FNBP1: variants seen among roughly 807,000 people sequenced by gnomAD.
FNBP1 encodes the protein formin binding protein 1, also known as formin-binding protein 1.
A neutral mutation model predicts 90.6 loss-of-function variants in FNBP1; 26 were observed. The observed-to-expected ratio is 0.29, with a 90% CI of 0.21 to 0.40. The LOEUF (loss-of-function observed/expected upper bound fraction) is 0.40, where lower values mean the gene tolerates loss of function less well. FNBP1 is among the 10% of genes least tolerant of loss of function. The probability of loss-of-function intolerance (pLI) is 1.00; values close to 1 mark genes in which losing one functional copy is unlikely to be tolerated. For synonymous variants in FNBP1, 260 were observed against 265.2 expected (o/e 0.98, Z 0.19); for missense variants, 635 against 768.0 (o/e 0.83, Z 2.05).
Position 130,043,174 on chromosome 9 carries a change from A to T in FNBP1, c.-199T>A, listed in dbSNP as rs894144343. 1 of 388,186 alleles carries T rather than the reference A, an allele frequency of 2.6e-6. No homozygotes were observed. The allele number at this position is 388,186 out of a possible 1,614,324, so 24.0% of individuals were successfully genotyped here. ...CGCCGCTCCACAGCAAAATGGCCCG[A>T]GGAAGCAGCAGCCGCGGCCGCCGCA... is the stretch of plus-strand genomic sequence containing the variant. On this transcript the variant is annotated 5_prime_UTR_variant, in exon 1 of 17. Transcript: ENST00000446176.
intron 1 of FNBP1, among the ~76,000 whole-genome samples, chr9:130,022,006 T>C (rs1417766832): frequency 6.6e-6 from 1 of 151,698 alleles, no homozygotes; most frequent in East Asian, 2.0e-4. Context: ...GGACCACAGG[T>C]GCAGGCTACC....
At chr9:129,985,289 CA>C (rs1178377603) in intron 2 of FNBP1, among the ~76,000 whole-genome samples, 4 of 136,258 alleles carry the variant, frequency 2.9e-5, no homozygotes, top group African/African-American at 1.0e-4. Context: ...AAACACACGC[CA>C]GGTGTTGGCC....
At chr9:129,993,783 C>A (rs776828206) in intron 2 of FNBP1, among the ~76,000 whole-genome samples, 1 of 152,078 alleles carries the variant, frequency 6.6e-6, no homozygotes, top group African/African-American at 2.4e-5. Flanking sequence ...TGCCACCATG[C>A]CCCACTAATT....
At chr9:129,965,201 G>A (rs770636634) in intron 4 of FNBP1, among the ~76,000 whole-genome samples, 3 of 152,074 alleles carry the variant, frequency 2.0e-5, no homozygotes, top group African/African-American at 7.2e-5. Flanking sequence ...TGGGTATGTC[G>A]TACCCCACTT....
At chr9:130,049,299 C>T in the FNBP1 span, among the ~76,000 whole-genome samples, 1 of 152,124 alleles carries the variant, frequency 6.6e-6, no homozygotes, top group Non-Finnish European at 1.5e-5. Context: ...TGAGGTGGGA[C>T]GATTGCTTGA....
chr9:130,037,523 C>G (rs1359769600), intron 1 of FNBP1, among the ~76,000 whole-genome samples: 1 of 152,146 alleles, frequency 6.6e-6, no homozygotes. Flanking sequence ...TTTCGACACA[C>G]TAGGGAAAAA....
At chr9:129,895,702 A>T in intron 16 of FNBP1, 136 bp downstream of exon 16, 1 of 1,366,124 alleles carries the variant, frequency 7.3e-7, no homozygotes, top group Non-Finnish European at 9.4e-7. Flanking sequence ...ACGTGAGACT[A>T]CAGGAGAACG....
intron 1 of FNBP1, among the ~76,000 whole-genome samples, chr9:130,018,599 T>C (rs1204939104): frequency 6.6e-6 from 1 of 152,084 alleles, no homozygotes; most frequent in African/African-American, 2.4e-5. Flanking sequence ...AGTCTCACTC[T>C]GTCACCCAGG....
chr9:129,931,376 G>A (rs113369219), intron 6 of FNBP1, among the ~76,000 whole-genome samples: 257 of 152,102 alleles, frequency 1.7e-3, no homozygotes, highest in African/African-American at 5.9e-3. Context: ...GGCTGAGGTG[G>A]GCAGATCACA....
intron 4 of FNBP1, among the ~76,000 whole-genome samples, chr9:129,969,874 G>C (rs943735522): frequency 1.4e-5 from 2 of 147,856 alleles, no homozygotes; most frequent in Non-Finnish European, 3.0e-5. Flanking sequence ...GCTATAGTAG[G>C]ATTAATATTC....
intron 8 of FNBP1, among the ~76,000 whole-genome samples, chr9:129,926,060 C>T (rs1036556684): frequency 2.6e-5 from 4 of 152,004 alleles, no homozygotes; most frequent in African/African-American, 9.7e-5. Context: ...CAATCCCTGC[C>T]TCCTGAGTTC....
At chr9:129,986,352 T>C (rs2052241085) in intron 2 of FNBP1, among the ~76,000 whole-genome samples, 2 of 151,592 alleles carry the variant, frequency 1.3e-5, no homozygotes, top group South Asian at 4.1e-4. Flanking sequence ...TAAAATGGAA[T>C]GAGAAGGAAG....
intron 12 of FNBP1, among the ~76,000 whole-genome samples, chr9:129,905,817 T>C (rs1259732585): frequency 2.6e-5 from 4 of 152,182 alleles, no homozygotes; most frequent in African/African-American, 7.2e-5. Context: ...TTCTATTTCA[T>C]ATACTTTCTA....
intron 6 of FNBP1, among the ~76,000 whole-genome samples, chr9:129,950,967 ATTTTTTTTTTTTT>A (rs56088978): frequency 1.0e-5 from 1 of 98,466 alleles, no homozygotes; most frequent in Non-Finnish European, 2.0e-5. Flanking sequence ...CTAATTTTTA[ATTTTTTTTTTTTT>A]TTTTTTTTTG....
chr9:129,993,798 T>A (rs4837445), intron 2 of FNBP1, among the ~76,000 whole-genome samples: 9,997 of 151,934 alleles, frequency 0.066, 440 homozygotes, highest in Admixed American at 0.12. Context: ...CTAATTTTTG[T>A]ATTTTTAGTA....
chr9:129,953,144 AGAG>A (rs1439297306), intron 6 of FNBP1, among the ~76,000 whole-genome samples: 1 of 152,250 alleles, frequency 6.6e-6, no homozygotes, highest in African/African-American at 2.4e-5. Context: ...CTCAACAAAT[AGAG>A]AAGACTCAAA....
chr9:129,899,234 T>C (rs1302969179), intron 15 of FNBP1, among the ~76,000 whole-genome samples: 2 of 151,892 alleles, frequency 1.3e-5, no homozygotes, highest in African/African-American at 4.8e-5. Context: ...CCTGCCAGCA[T>C]GCCCAGCCAG....
chr9:129,988,749 C>T (rs1342080270), intron 2 of FNBP1, among the ~76,000 whole-genome samples: 1 of 152,024 alleles, frequency 6.6e-6, no homozygotes, highest in Non-Finnish European at 1.5e-5. Flanking sequence ...CAATTGTTTG[C>T]AAAAGTGGCC....
In FNBP1 at chr9:129,908,997, A is replaced by C. The variant is rs779882599; in HGVS notation, c.1188T>G (p.Gly396=). ...GGTTGCTGAAATCCTCCGGTGTTGCACCCTGCAGACACAAATATAAATGAG... is the reference window on the plus strand; with the variant it reads ...GGTTGCTGAAATCCTCCGGTGTTGCCCCCTGCAGACACAAATATAAATGAG... ...SLKRGLSLKL[G]ATPEDFSNLP... Residue 396 remains glycine, a splice_region_variant and synonymous_variant, in exon 12 of 17, where the codon GGT becomes GGG. Coordinates refer to ENST00000446176, the MANE Select transcript of FNBP1 (RefSeq NM_015033.3). The C allele has an allele frequency of 6.2e-7, 1 of 1,605,142 alleles. No individual in the cohort carries two copies. Among genetic ancestry groups the C allele is most frequent in the East Asian group, 2.2e-5 (1 of 44,834 alleles).
Sources: gnomAD v4.1 joint callset for allele counts (sites outside exome capture counted in the v4.1 genomes callset) on GRCh38, gnomAD v4.1.1 for gene constraint, MANE v1.5 for transcripts, NCBI Gene and HGNC (gene_info 2026-07-23, HGNC 2026-07-21) for gene names.